Variants in LTN1 observed in about 807,000 individuals in gnomAD.
The protein encoded by LTN1 is E3 ubiquitin-protein ligase listerin.
LTN1 carries 88 observed loss-of-function variants against 201.2 expected under a neutral mutation model. The observed-to-expected ratio is 0.44, with a 90% CI of 0.37 to 0.52. The LOEUF is 0.52. Ranked by LOEUF, LTN1 falls within the 20% of genes least tolerant of loss-of-function variation. The pLI is 0.00. For missense variants in LTN1, 1,752 were observed against 2,038.7 expected (o/e 0.86, Z 2.71); for synonymous variants, 645 against 713.5 (o/e 0.90, Z 1.53).
At chr21:28,951,781 G>A (rs1022674580) in intron 18 of LTN1, among the ~76,000 whole-genome samples, 1 of 152,122 alleles carries the variant, frequency 6.6e-6, no homozygotes, top group African/African-American at 2.4e-5. Context: ...AGACCAGCCT[G>A]GGCAACCTGG....
At chr21:28,941,447 T>A (rs2084297091) in intron 24 of LTN1, 41 bp from the exon 25 acceptor site, 20 of 1,434,332 alleles carry the variant, frequency 1.4e-5, no homozygotes, top group Non-Finnish European at 1.8e-5. Context: ...TTCTTTATAA[T>A]TCATTCCTTA....
rs1568827130 is a variant in LTN1, at chr21:28,928,248, T to C, written c.*2200A>G. 6.6e-6 allele frequency: 1 copy of C among 152,630 alleles called. No individual in the cohort carries two copies. 9.5% of individuals were successfully genotyped at this position (152,630 alleles called of 1,614,324 possible). On this transcript the variant is annotated 3_prime_UTR_variant, in exon 30 of 30. Transcript: ENST00000361371. ...GCATTTATATTATTATTTTTCTGCA[T>C]ATTTGAAATATTTTTAATTAAAAAG...
Position 28,943,834 on chromosome 21 carries a change from C to A in LTN1, c.4053G>T (p.Thr1351=). The A allele has an allele frequency of 6.2e-7, 1 of 1,613,730 alleles. No homozygotes were observed. The highest frequency in any genetic ancestry group is 2.2e-5 in the East Asian group (1 of 44,810). Residue 1351 remains threonine (T), a synonymous_variant, in exon 23 of 30, where the codon ACG becomes ACT. Coordinates refer to ENST00000361371, the MANE Select transcript of LTN1 (RefSeq NM_015565.3). The part of the protein sequence containing the change: ...AMLKPMCETL[T]YISKEQLLSH... ...TCAATAGCTGTTCCTTTGAGATATA[C>A]GTTAATGTTTCACACATGGGTTTCA...
intron 9 of LTN1, 61 bp downstream of exon 9, chr21:28,969,405 A>G: frequency 3.5e-6 from 5 of 1,413,060 alleles, no homozygotes; most frequent in Non-Finnish European, 4.8e-6. Context: ...ACAAGACACA[A>G]TGAGCTTGAT....
chr21:28,960,125 G>A (rs1227717921), intron 12 of LTN1, among the ~76,000 whole-genome samples: 1 of 152,160 alleles, frequency 6.6e-6, no homozygotes, highest in Non-Finnish European at 1.5e-5. Context: ...CCAGCACTTT[G>A]GGAGGCTGAG....
At chr21:28,989,106 C>T (rs755879455) in intron 1 of LTN1, among the ~76,000 whole-genome samples, 71 of 152,146 alleles carry the variant, frequency 4.7e-4, no homozygotes, top group Non-Finnish European at 8.5e-4. Flanking sequence ...TAAAGAGCCA[C>T]AAAGGAAGTA....
chr21:28,986,522 G>A lies in LTN1; in HGVS notation c.246+209C>T, dbSNP rs574685710. On this transcript the variant is annotated intron_variant, in intron 2 of 29. Transcript: ENST00000361371. The surrounding 1 kb of genome is among the most constrained non-coding windows in gnomAD (Gnocchi z 4.1). Reference sequence around the variant, plus strand: ...AAAACTATACAGCCAAAATTCCAAAGCACTTTAAAAAAGTTCACTGTAACA... The same window carrying A: ...AAAACTATACAGCCAAAATTCCAAAACACTTTAAAAAAGTTCACTGTAACA... The A allele has an allele frequency of 4.3e-5, 28 of 651,114 alleles. No homozygotes were observed. The highest frequency in any genetic ancestry group is 1.8e-4 in the African/African-American group (10 of 54,440). 40.3% of individuals were successfully genotyped at this position (651,114 alleles called of 1,614,324 possible).
intron 16 of LTN1, 78 bp from the exon 17 acceptor site, chr21:28,953,454 G>GT (rs1356436638): frequency 1.8e-5 from 19 of 1,056,800 alleles, no homozygotes; most frequent in Non-Finnish European, 1.8e-5. Context: ...TCTCCACCTT[G>GT]TTTTCTAACA....
chr21:28,937,156 G>T (rs35709294), intron 25 of LTN1, among the ~76,000 whole-genome samples: 9 of 152,004 alleles, frequency 5.9e-5, no homozygotes, highest in Non-Finnish European at 1.3e-4. Flanking sequence ...ATAAAAATAT[G>T]GATTTCTGAT....
intron 23 of LTN1, 43 bp from the exon 24 acceptor site, chr21:28,943,379 G>T: frequency 8.4e-7 from 1 of 1,187,546 alleles, no homozygotes; most frequent in South Asian, 1.3e-5. Flanking sequence ...ATATTAAACT[G>T]TTTATTAAGT....
rs749102102 is a variant in LTN1, at chr21:28,959,549, C to T, written c.2502G>A (p.Ala834=). The T allele has an allele frequency of 5.6e-5, 90 of 1,613,960 alleles. No individual in the cohort carries two copies. The highest frequency in any genetic ancestry group is 6.9e-5 in the Non-Finnish European group (82 of 1,179,950). The part of the protein sequence containing the change: ...CDVAYNYFSS[A]KGCLLMPSSE... ...ATGATGGCATTAGCAAGCATCCTTT[C>T]GCTGAGCTGAAATAGTTATAGGCCA... Residue 834 remains alanine (A), a synonymous_variant, in exon 13 of 30, where the codon GCG becomes GCA. Coordinates refer to ENST00000361371, the MANE Select transcript of LTN1 (RefSeq NM_015565.3).
chr21:28,942,775 T>TA (rs11451935), intron 24 of LTN1, among the ~76,000 whole-genome samples: 93,242 of 151,902 alleles, frequency 0.61, 29,490 homozygotes, highest in East Asian at 0.82. Context: ...TGTGCCCTCA[T>TA]ACATGCTATC....
intron 27 of LTN1, among the ~76,000 whole-genome samples, chr21:28,934,888 A>T (rs945055296): frequency 3.3e-5 from 5 of 152,192 alleles, no homozygotes; most frequent in African/African-American, 4.8e-5. Flanking sequence ...GATTTGACAC[A>T]CAAATTAGAA....
At position 28,969,532 on chromosome 21, in the gene LTN1, G is replaced by A. The variant is rs1177397935; in HGVS notation, c.1245C>T (p.Cys415=). 9.9e-6 allele frequency: 16 copies of A among 1,611,852 alleles called. No homozygotes were observed. The highest frequency in any genetic ancestry group is 1.4e-5 in the Non-Finnish European group (16 of 1,178,706). Residue 415 remains cysteine (C), a synonymous_variant, in exon 9 of 30, where the codon TGC becomes TGT. Coordinates refer to ENST00000361371, the MANE Select transcript of LTN1 (RefSeq NM_015565.3). The stretch of plus-strand genomic sequence containing the variant: ...AGTTTTGCTGCATTATAAAACGTAA[G>A]CATTCAAAAAAAGCAGATATTACTG... The part of the protein sequence containing the change: ...SSAVISAFFE[C]LRFIMQQNLG...
rs2084337345 is a variant in LTN1 at position 28,946,262 on chromosome 21, G to A, written c.3513C>T (p.Phe1171=). 10 of 1,575,368 alleles carry A rather than the reference G, an allele frequency of 6.3e-6. No homozygotes were observed. Among genetic ancestry groups the A allele is most frequent in the South Asian group, 1.2e-5 (1 of 82,820 alleles). ...TNGGFGHLAI[F]NSCLQTKSID... is the part of the protein sequence containing the mutation. ...TACTTTTGGTTTGCAGACAAGAATT[G>A]AAAATGGCAAGATGTCCAAAACCTC... The change falls in exon 20 of 30, where the codon TTC becomes TTT. Residue 1171 remains phenylalanine (F), a synonymous_variant. Transcript: ENST00000361371.
chr21:28,978,816 A>C (rs531173824), intron 6 of LTN1, among the ~76,000 whole-genome samples: 1 of 152,350 alleles, frequency 6.6e-6, no homozygotes, highest in South Asian at 2.1e-4. Flanking sequence ...AACTCCAAAG[A>C]AGGAAAAATG....
At chr21:28,946,955 C>T (rs1445963568) in intron 19 of LTN1, among the ~76,000 whole-genome samples, 1 of 152,228 alleles carries the variant, frequency 6.6e-6, no homozygotes, top group Non-Finnish European at 1.5e-5. Flanking sequence ...GAAATTGCCA[C>T]TAACACCCTC....
chr21:28,940,818 T>C (rs2084291330), intron 25 of LTN1, among the ~76,000 whole-genome samples: 2 of 152,182 alleles, frequency 1.3e-5, no homozygotes, highest in Non-Finnish European at 2.9e-5. Flanking sequence ...CTGGGCGCAG[T>C]GGCTCATGCC....
chr21:28,955,655 T>C (rs894923268), intron 16 of LTN1, among the ~76,000 whole-genome samples: 2 of 151,552 alleles, frequency 1.3e-5, no homozygotes, highest in Non-Finnish European at 2.9e-5. Context: ...CCAGGCACGG[T>C]AGCTCACTTC....
Sources: gnomAD v4.1 joint callset for allele counts (sites outside exome capture counted in the v4.1 genomes callset) on GRCh38, gnomAD v4.1.1 for gene constraint, Gnocchi (gnomAD v3.1) non-coding constraint, MANE v1.5 for transcripts, NCBI Gene and HGNC (gene_info 2026-07-23, HGNC 2026-07-21) for gene names.